NEDD4L: variants seen among roughly 807,000 people sequenced by gnomAD.
NEDD4L encodes the protein NEDD4 like E3 ubiquitin protein ligase, also known as E3 ubiquitin-protein ligase NEDD4-like.
In NEDD4L, 54 loss-of-function variants were observed where a neutral mutation model predicts 148.9. The ratio of observed to expected loss-of-function variants is 0.36; its 90% CI spans 0.29 to 0.45. The LOEUF (loss-of-function observed/expected upper bound fraction) is 0.45. Among genes scored for constraint, NEDD4L ranks in the 20% least tolerant of loss-of-function variants. NEDD4L has a pLI of 1.00. For missense variants in NEDD4L, 856 were observed against 1,233.8 expected, an observed-to-expected ratio of 0.69 and a Z score of 4.59; for synonymous variants, 433 against 440.7, an observed-to-expected ratio of 0.98 and a Z score of 0.22.
intron 1 of NEDD4L, among the ~76,000 whole-genome samples, chr18:58,109,964 G>T (rs746858209): frequency 1.5e-4 from 23 of 152,192 alleles, no homozygotes; most frequent in Non-Finnish European, 2.8e-4. Context: ...TGGAAAGGAG[G>T]CAGAGTGGAA....
intron 1 of NEDD4L, among the ~76,000 whole-genome samples, chr18:58,078,670 C>A (rs527544831): frequency 6.6e-6 from 1 of 152,092 alleles, no homozygotes; most frequent in Non-Finnish European, 1.5e-5. Context: ...ACAATATGTA[C>A]AATGGAACAG....
At chr18:58,377,936 G>A (rs1218416290) in intron 24 of NEDD4L, among the ~76,000 whole-genome samples, 1 of 152,158 alleles carries the variant, frequency 6.6e-6, no homozygotes, top group Non-Finnish European at 1.5e-5. Context: ...GTGGAGACAG[G>A]ACTTCATCAT....
At chr18:58,096,233 A>G (rs2084384014) in intron 1 of NEDD4L, among the ~76,000 whole-genome samples, 1 of 151,926 alleles carries the variant, frequency 6.6e-6, no homozygotes, top group Admixed American at 6.6e-5. Flanking sequence ...ATATGGGAAA[A>G]CTATTTTTGA....
chr18:58,265,074 A>G (rs1039981511), intron 5 of NEDD4L, among the ~76,000 whole-genome samples: 1 of 151,904 alleles, frequency 6.6e-6, no homozygotes, highest in African/African-American at 2.4e-5. Flanking sequence ...TTGCTTATGC[A>G]CAGGCTGGGA....
chr18:58,346,322 G>C (rs537746533), intron 16 of NEDD4L, among the ~76,000 whole-genome samples: 1 of 152,322 alleles, frequency 6.6e-6, no homozygotes, highest in South Asian at 2.1e-4. Context: ...GAGCATTTCA[G>C]ATTCTCAGAT....
chr18:58,123,135 G>A (rs1340569586), intron 1 of NEDD4L, among the ~76,000 whole-genome samples: 1 of 152,038 alleles, frequency 6.6e-6, no homozygotes, highest in East Asian at 1.9e-4. Context: ...GAATGTTCCC[G>A]CACCTTCTCT....
At chr18:58,289,203 A>G (rs1484753147) in intron 5 of NEDD4L, among the ~76,000 whole-genome samples, 1 of 152,210 alleles carries the variant, frequency 6.6e-6, no homozygotes, top group African/African-American at 2.4e-5. Flanking sequence ...GCTGTGTACA[A>G]ATTAGCTCAG....
intron 2 of NEDD4L, among the ~76,000 whole-genome samples, chr18:58,231,808 C>T (rs2045275119): frequency 6.6e-6 from 1 of 152,220 alleles, no homozygotes; most frequent in African/African-American, 2.4e-5. Context: ...AGATGATCCA[C>T]TTGCCTTGGC....
intron 16 of NEDD4L, among the ~76,000 whole-genome samples, chr18:58,343,874 T>G (rs1009636078): frequency 1.8e-4 from 28 of 152,254 alleles, no homozygotes; most frequent in African/African-American, 6.8e-4. Context: ...AGTTGGTATT[T>G]TCCTGCTATA....
At chr18:58,302,642 A>G (rs1450966927) in intron 5 of NEDD4L, among the ~76,000 whole-genome samples, 7 of 152,254 alleles carry the variant, frequency 4.6e-5, no homozygotes, top group East Asian at 1.9e-4. Flanking sequence ...ATAACATTCA[A>G]TAGTAACTTG....
intron 2 of NEDD4L, among the ~76,000 whole-genome samples, chr18:58,196,513 C>T (rs1250607358): frequency 1.3e-5 from 2 of 152,126 alleles, no homozygotes; most frequent in African/African-American, 4.8e-5. Flanking sequence ...TTACTGCATT[C>T]TTCAGCCCTC....
chr18:58,205,675 G>A (rs947433231), intron 2 of NEDD4L, among the ~76,000 whole-genome samples: 2 of 151,746 alleles, frequency 1.3e-5, no homozygotes, highest in Admixed American at 6.6e-5. Context: ...GTCATTAGTT[G>A]AAGATTTCAC....
intron 2 of NEDD4L, among the ~76,000 whole-genome samples, chr18:58,184,015 GAAA>G (rs2039156642): frequency 6.6e-6 from 1 of 152,042 alleles, no homozygotes; most frequent in Non-Finnish European, 1.5e-5. Context: ...TAAAAATAGA[GAAA>G]ATTAGCCAGG....
chr18:58,341,573 G>C, intron 14 of NEDD4L, 105 bp from the exon 15 acceptor site: 1 of 1,248,908 alleles, frequency 8.0e-7, no homozygotes. Context: ...AAATAGGCCA[G>C]ACCTCTTATT....
At chr18:58,134,360 T>TAAGTGAAAATCAGAA (rs1568265446) in intron 1 of NEDD4L, among the ~76,000 whole-genome samples, 11 of 9,012 alleles carry the variant, frequency 1.2e-3, no homozygotes, top group South Asian at 3.9e-3. Context: ...TTCCATTTCT[T>TAAGTGAAAATCAGAA]TTTTTTTTTT....
chr18:58,116,147 C>T (rs1369585461), intron 1 of NEDD4L, among the ~76,000 whole-genome samples: 2 of 152,216 alleles, frequency 1.3e-5, no homozygotes, highest in African/African-American at 4.8e-5. Context: ...CCTGATAGAA[C>T]GCAGTGACCA....
chr18:58,270,954 C>T (rs1475375690), intron 5 of NEDD4L, among the ~76,000 whole-genome samples: 1 of 152,086 alleles, frequency 6.6e-6, no homozygotes, highest in Non-Finnish European at 1.5e-5. Context: ...GCTGATTTTA[C>T]TCTCGTCCTC....
At chr18:58,066,850 T>G (rs921525265) in intron 1 of NEDD4L, among the ~76,000 whole-genome samples, 1 of 151,948 alleles carries the variant, frequency 6.6e-6, no homozygotes, top group African/African-American at 2.4e-5. Context: ...AAGCACAGAC[T>G]CACTATCACG....
chr18:58,158,643 T>G (rs1010663068), intron 1 of NEDD4L, among the ~76,000 whole-genome samples: 1 of 152,194 alleles, frequency 6.6e-6, no homozygotes, highest in Admixed American at 6.5e-5. Context: ...GGTGTCTGCT[T>G]GTTGACAGCA....
Sources: gnomAD v4.1 joint callset for allele counts (sites outside exome capture counted in the v4.1 genomes callset) on GRCh38, gnomAD v4.1.1 for gene constraint, MANE v1.5 for transcripts, NCBI Gene and HGNC (gene_info 2026-07-23, HGNC 2026-07-21) for gene names.